Variants in FAM186B observed in about 807,000 individuals in gnomAD.
The protein encoded by FAM186B is protein FAM186B.
Under a neutral mutation model 83.4 loss-of-function variants are expected in FAM186B, and 68 were observed. The ratio of observed to expected loss-of-function variants is 0.81; its 90% CI spans 0.67 to 1.00. The LOEUF (loss-of-function observed/expected upper bound fraction) is 1.00, where lower values mean the gene tolerates loss of function less well. Ranked by LOEUF, FAM186B falls within the 50% of genes least tolerant of loss-of-function variation. FAM186B has a pLI of 0.00. For synonymous variants in FAM186B, 389 were observed against 422.0 expected (o/e 0.92, Z 0.96); for missense variants, 983 against 1,099.2 (o/e 0.89, Z 1.49).
chr12:49,593,112 T>A (rs1391900417), intron 5 of FAM186B: 2 of 152,198 alleles, frequency 1.3e-5, no homozygotes, highest in African/African-American at 4.8e-5. Context: ...CAGTGCTCAC[T>A]TCGGTAGCAC....
chr12:49,586,131 A>G (rs1443347596), downstream of FAM186B, among the ~76,000 whole-genome samples: 1 of 152,228 alleles, frequency 6.6e-6, no homozygotes, highest in African/African-American at 2.4e-5. Flanking sequence ...GGTTGAAAGC[A>G]GGAAGAAAAT....
Position 49,605,516 on chromosome 12 carries a change from C to T in FAM186B, c.-39G>A. 1 of 1,597,346 alleles carries T rather than the reference C, an allele frequency of 6.3e-7. No homozygotes were observed. Among genetic ancestry groups the T allele is most frequent in the Non-Finnish European group, 8.5e-7 (1 of 1,171,036 alleles). ...GTCAGTCACAAAACATCCTGTGTTT[C>T]TGGTCCACAGGCCTGGACACACAAT... On this transcript the variant is annotated 5_prime_UTR_variant, in exon 1 of 7. Transcript: ENST00000257894.
the FAM186B span, among the ~76,000 whole-genome samples, chr12:49,621,846 G>C: frequency 6.6e-6 from 1 of 152,166 alleles, no homozygotes; most frequent in East Asian, 1.9e-4. Context: ...GGCTGCAGCT[G>C]GGGGAAGGCC....
chr12:49,597,071 A>G (rs1003062908), intron 5 of FAM186B, among the ~76,000 whole-genome samples: 1 of 152,232 alleles, frequency 6.6e-6, no homozygotes. Flanking sequence ...TAGAGTATTC[A>G]GAATAGTCAC....
At chr12:49,597,034 A>G in intron 5 of FAM186B, among the ~76,000 whole-genome samples, 1 of 152,194 alleles carries the variant, frequency 6.6e-6, no homozygotes, top group Non-Finnish European at 1.5e-5. Context: ...AGATAACACA[A>G]ATATTCACCA....
chr12:49,599,376 C>T (rs1939809338), intron 4 of FAM186B, 93 bp downstream of exon 4: 1 of 1,442,900 alleles, frequency 6.9e-7, no homozygotes, highest in African/African-American at 1.4e-5. Context: ...TCCCCATCCC[C>T]CCTTGCCCTG....
intron 5 of FAM186B, among the ~76,000 whole-genome samples, chr12:49,597,108 G>A (rs1939745228): frequency 6.6e-6 from 1 of 152,170 alleles, no homozygotes; most frequent in South Asian, 2.1e-4. Flanking sequence ...CAGCCTAGCA[G>A]CAATAGGTTA....
At chr12:49,594,218 T>C in intron 5 of FAM186B, 1 of 274,372 alleles carries the variant, frequency 3.6e-6, no homozygotes. Flanking sequence ...AGAATAATAT[T>C]CAAGAAAAGG....
At chr12:49,587,939 T>G (rs7977389) in intron 6 of FAM186B, among the ~76,000 whole-genome samples, 187 bp from the exon 7 acceptor site, 2 of 152,092 alleles carry the variant, frequency 1.3e-5, no homozygotes, top group African/African-American at 4.8e-5. Flanking sequence ...CTCCTCTGGC[T>G]GAGGAGCTGC....
the FAM186B span, among the ~76,000 whole-genome samples, chr12:49,620,099 A>G: frequency 2.0e-5 from 3 of 152,180 alleles, no homozygotes; most frequent in African/African-American, 7.2e-5. Context: ...TGGTGACTGA[A>G]TTACTAGTGA....
the FAM186B span, among the ~76,000 whole-genome samples, chr12:49,616,445 A>C: frequency 2.0e-5 from 3 of 152,264 alleles, no homozygotes; most frequent in Non-Finnish European, 4.4e-5. Context: ...AGTATTGATA[A>C]ACCTGAAAAA....
intron 3 of FAM186B, 45 bp from the exon 4 acceptor site, chr12:49,601,179 CCAAGGATTG>C: frequency 6.6e-7 from 1 of 1,514,752 alleles, no homozygotes. Context: ...CTCATGGGTC[CCAAGGATTG>C]CATTGATTCT....
At chr12:49,613,752 T>TCA in the FAM186B span, among the ~76,000 whole-genome samples, 1 of 151,180 alleles carries the variant, frequency 6.6e-6, no homozygotes, top group Non-Finnish European at 1.5e-5. Flanking sequence ...GGCGGGAGGA[T>TCA]CACTGAGTCC....
chr12:49,600,348 C>G lies in FAM186B; in HGVS notation c.1292G>C (p.Arg431Thr). The G allele has an allele frequency of 6.2e-7, 1 of 1,614,214 alleles. No homozygotes were observed. Among genetic ancestry groups the G allele is most frequent in the Non-Finnish European group, 8.5e-7 (1 of 1,180,034 alleles). Residue 431 changes from arginine to threonine, a missense_variant, in exon 4 of 7, where the codon AGA becomes ACA. Coordinates refer to ENST00000257894, the MANE Select transcript of FAM186B (RefSeq NM_032130.3). This position sits in a 1 kb window ranked among gnomAD's most constrained non-coding sequence, Gnocchi z 4.3. ...GTGGCCTAAGCTTTCTGCCACCGGTCTTTCCCATTTCTTAGGAAACCTGCG... is the reference window on the plus strand; with the variant it reads ...GTGGCCTAAGCTTTCTGCCACCGGTGTTTCCCATTTCTTAGGAAACCTGCG... ...VDRRFPKKWE[R>T]PVAESLGHKD...
Position 49,599,534 on chromosome 12 carries a change from C to G in FAM186B, c.2106G>C (p.Leu702=). The G allele has an allele frequency of 1.2e-6, 2 of 1,603,970 alleles. No homozygotes were observed. Among genetic ancestry groups the G allele is most frequent in the Non-Finnish European group, 1.7e-6 (2 of 1,175,930 alleles). ...ACAGGTACTGCAGCCTGAGCGCGCC[C>G]AGCTCCATGGTGGTGGTGGTGAGCT... The part of the protein sequence containing the change: ...ALELTTTTME[L]GALRLQYLCH... The change falls in exon 4 of 7, where the codon CTG becomes CTC. Residue 702 remains leucine (L), a synonymous_variant. Transcript: ENST00000257894.
rs749421353 is a variant in FAM186B at position 49,587,678 on chromosome 12, G to A, written c.2609C>T (p.Thr870Ile). The change falls in exon 7 of 7, where the codon ACC becomes ATC. Residue 870 changes from threonine to isoleucine, a missense_variant. Coordinates refer to ENST00000257894, the MANE Select transcript of FAM186B (RefSeq NM_032130.3). ...CTGGTCCCGGGGAAGGCTGGCAGGG[G>A]TCTTTTTTTCTATTGCGTAACTGGA... ...ASSSYAIEKK[T>I]PASLPRDQLR... is the part of the protein sequence containing the mutation. The A allele has an allele frequency of 2.4e-5, 38 of 1,613,526 alleles. No individual in the cohort carries two copies. Among genetic ancestry groups the A allele is most frequent in the Non-Finnish European group, 2.9e-5 (34 of 1,180,008 alleles).
At chr12:49,615,679 C>T in the FAM186B span, among the ~76,000 whole-genome samples, 1 of 151,966 alleles carries the variant, frequency 6.6e-6, no homozygotes, top group Non-Finnish European at 1.5e-5. Context: ...GTTCCAGCTA[C>T]TTGGGAGGCT....
At chr12:49,602,883 ACT>A (rs1355455137) in intron 3 of FAM186B, among the ~76,000 whole-genome samples, 1 of 152,128 alleles carries the variant, frequency 6.6e-6, no homozygotes, top group African/African-American at 2.4e-5. Flanking sequence ...CTAGCTGCTA[ACT>A]CTAGCCCTCC....
chr12:49,602,462 C>T (rs1939916051), intron 3 of FAM186B, among the ~76,000 whole-genome samples: 1 of 152,188 alleles, frequency 6.6e-6, no homozygotes, highest in Admixed American at 6.5e-5. Flanking sequence ...GTGTCAGACA[C>T]CTCACACTGT....
Sources: gnomAD v4.1 joint callset for allele counts (sites outside exome capture counted in the v4.1 genomes callset) on GRCh38, gnomAD v4.1.1 for gene constraint, Gnocchi (gnomAD v3.1) non-coding constraint, MANE v1.5 for transcripts, NCBI Gene and HGNC (gene_info 2026-07-23, HGNC 2026-07-21) for gene names.